Variants in CORO1B observed in about 807,000 individuals in gnomAD.
CORO1B encodes coronin-1B.
CORO1B carries 30 observed loss-of-function variants against 51.1 expected under a neutral mutation model. That is an observed-to-expected ratio of 0.59 (90% CI 0.44 to 0.80). CORO1B has a LOEUF of 0.80. Ranked by LOEUF, CORO1B falls within the 30% of genes least tolerant of loss-of-function variation. CORO1B has a pLI of 0.00. For synonymous variants in CORO1B, 310 were observed against 289.7 expected (o/e 1.07, Z -0.71); for missense variants, 648 against 700.4 (o/e 0.93, Z 0.84).
Position 67,439,789 on chromosome 11 carries a change from T to C in CORO1B, c.1062A>G (p.Arg354=). ...GCCGAGGGACGGGCGGCCTCACCTT[T>C]CTTGGCACAGTCATGACGATGGGCT... ...KCEPIVMTVP[R]KSDLFQDDLY... is the part of the protein sequence containing the mutation. The change falls in exon 9 of 11, where the codon AGA becomes AGG. Residue 354 remains arginine, a synonymous_variant. Coordinates refer to ENST00000341356, the MANE Select transcript of CORO1B (RefSeq NM_020441.3). 6.3e-7 allele frequency: 1 copy of C among 1,588,102 alleles called. No homozygotes were observed. Among genetic ancestry groups the C allele is most frequent in the Non-Finnish European group, 8.6e-7 (1 of 1,167,736 alleles).
chr11:67,443,737 G>A, upstream of CORO1B: 2 of 985,324 alleles, frequency 2.0e-6, no homozygotes, highest in Non-Finnish European at 2.4e-6. Context: ...CGCCGCAGGT[G>A]CGGGTGCAGC....
At position 67,441,213 on chromosome 11, in the gene CORO1B, G is replaced by A. The variant is rs1864386497; in HGVS notation, c.668C>T (p.Pro223Leu). 1 of 1,613,014 alleles carries A rather than the reference G, an allele frequency of 6.2e-7. No individual in the cohort carries two copies. Among genetic ancestry groups the A allele is most frequent in the African/African-American group, 1.3e-5 (1 of 74,936 alleles). Reference protein sequence around the residue: ...EREKAHEGARPMRAIFLADGK... With the variant: ...EREKAHEGARLMRAIFLADGK... ...ATCTGCCAGGAAGATGGCCCGCATG[G>A]GCCGGGCCCCCTCATGAGCCTTCTC... The change falls in exon 6 of 11, where the codon CCC (proline) becomes CTC (leucine). Residue 223 changes from proline (P) to leucine (L), a missense_variant. Physicochemically the swap from Pro to Leu is moderately conservative, Grantham distance 98. Transcript: ENST00000341356.
rs1864318027 is a variant in CORO1B, at chr11:67,437,884, T to G, written c.*492A>C. 2.6e-6 allele frequency: 1 copy of G among 389,554 alleles called. No homozygotes were observed. Among genetic ancestry groups the G allele is most frequent in the African/African-American group, 2.1e-5 (1 of 48,514 alleles). 24.1% of individuals were successfully genotyped at this position (389,554 alleles called of 1,614,324 possible). A position where few individuals can be genotyped will look rare whatever the true frequency, so the allele number is the denominator to read the frequency against. On this transcript the variant is annotated 3_prime_UTR_variant, in exon 11 of 11. Transcript: ENST00000341356. Reference sequence around the variant, plus strand: ...GCTGGATGCAGCCTTGCATGTGTTCTCAGGTCTTCTGCCTCAGTTTCCCTG... The same window carrying G: ...GCTGGATGCAGCCTTGCATGTGTTCGCAGGTCTTCTGCCTCAGTTTCCCTG...
At position 67,442,806 on chromosome 11, in the gene CORO1B, C is replaced by T. The variant is rs534889296; in HGVS notation, c.-2-176G>A. Among the ~76,000 whole-genome samples, 118 of 152,296 alleles carry T rather than the reference C, an allele frequency of 7.7e-4. 1 individual carries two copies. The highest frequency in any genetic ancestry group is 6.4e-3 in the South Asian group (31 of 4,830). ...ACAGGTGCAGAGCCTGGCCGCCTGT[C>T]ACCCCGCAGGCAGTGATCTGAGAGG... On this transcript the variant is annotated intron_variant, in intron 1 of 10. Coordinates refer to ENST00000341356, the MANE Select transcript of CORO1B (RefSeq NM_020441.3).
Position 67,436,163 on chromosome 11 carries a change from T to C in CORO1B, c.*2213A>G, listed in dbSNP as rs757027921. The stretch of plus-strand genomic sequence containing the variant: ...GGCACCTAGGCGGGCCGGGTGGTAG[T>C]AGCCCCCTGAGTCACGGCTGAGGCG... On this transcript the variant is annotated 3_prime_UTR_variant, in exon 11 of 11. Transcript: ENST00000341356. 1.9e-6 allele frequency: 3 copies of C among 1,564,648 alleles called. No homozygotes were observed. The highest frequency in any genetic ancestry group is 3.8e-5 in the Admixed American group (2 of 52,660).
At position 67,436,362 on chromosome 11, in the gene CORO1B, A is replaced by G. The variant is rs1224032905; in HGVS notation, c.*2014T>C. Reference sequence around the variant, plus strand: ...GTGCAGGGCAGAGCCTGTGGGAGACAGGCAGGGGCTCAGAGGGCTCAGCAC... The same window carrying G: ...GTGCAGGGCAGAGCCTGTGGGAGACGGGCAGGGGCTCAGAGGGCTCAGCAC... On this transcript the variant is annotated 3_prime_UTR_variant, in exon 11 of 11. Transcript: ENST00000341356. The G allele has an allele frequency of 8.3e-6, 12 of 1,445,198 alleles. No homozygotes were observed. Among genetic ancestry groups the G allele is most frequent in the African/African-American group, 1.4e-5 (1 of 69,806 alleles). 89.5% of individuals were successfully genotyped at this position (1,445,198 alleles called of 1,614,324 possible).
At chr11:67,440,468 C>A (rs753575159) in intron 6 of CORO1B, 29 bp from the exon 7 acceptor site, 11 of 1,602,918 alleles carry the variant, frequency 6.9e-6, no homozygotes, top group Non-Finnish European at 9.4e-6. Context: ...TCAGGCCAAG[C>A]AGAACCTCCT....
Position 67,437,929 on chromosome 11 carries a change from A to G in CORO1B, c.*447T>C. 1 of 373,282 alleles carries G rather than the reference A, an allele frequency of 2.7e-6. No homozygotes were observed. The highest frequency in any genetic ancestry group is 4.8e-6 in the Non-Finnish European group (1 of 209,886). The allele number at this position is 373,282 out of a possible 1,614,324, so 23.1% of individuals were successfully genotyped here. On this transcript the variant is annotated 3_prime_UTR_variant, in exon 11 of 11. Transcript: ENST00000341356. ...TCCCTGCCTGACAATCCAGGGGAGC[A>G]ATGCCTGTGGGGCTGCTCACTGCCC... is the stretch of plus-strand genomic sequence containing the variant.
In CORO1B at chr11:67,435,802, A is replaced by C. The variant is rs766302693; in HGVS notation, c.*2574T>G. ...CGCTGTCATCCCAGGCTGCGCTGCC[A>C]GCAAAGGCGTGCAGGTCACTCAGCA... On this transcript the variant is annotated 3_prime_UTR_variant, in exon 11 of 11. Transcript: ENST00000341356. 3 of 1,597,004 alleles carry C rather than the reference A, an allele frequency of 1.9e-6. No individual in the cohort carries two copies. In the African/African-American group the frequency reaches 4.0e-5, roughly 21 times the overall value.
In CORO1B at chr11:67,441,182, C is replaced by T; in HGVS notation, c.699G>A (p.Lys233=). ...PMRAIFLADG[K]VFTTGFSRMS... ...TTCGGCTGAAGCCTGTGGTGAACAC[C>T]TTGCCATCTGCCAGGAAGATGGCCC... The change falls in exon 6 of 11, where the codon AAG becomes AAA. Residue 233 remains lysine (K), a synonymous_variant. Coordinates refer to ENST00000341356, the MANE Select transcript of CORO1B (RefSeq NM_020441.3). 2 of 1,613,184 alleles carry T rather than the reference C, an allele frequency of 1.2e-6. No homozygotes were observed. The highest frequency in any genetic ancestry group is 1.7e-6 in the Non-Finnish European group (2 of 1,180,012).
Position 67,438,915 on chromosome 11 carries a change from G to C in CORO1B, c.1100C>G (p.Thr367Arg). ...DLFQDDLYPD[T>R]AGPEAALEAE... ...CTCCAGGGCTGCCTCGGGCCCGGCT[G>C]TGTCGGGGTACAGATCATCCTGGAA... Residue 367 changes from threonine (T) to arginine (R), a missense_variant, in exon 10 of 11, where the codon ACA becomes AGA. Physicochemically the swap from Thr to Arg is moderately conservative, Grantham distance 71. Transcript: ENST00000341356. 1 of 1,609,450 alleles carries C rather than the reference G, an allele frequency of 6.2e-7. No individual in the cohort carries two copies. Among genetic ancestry groups the C allele is most frequent in the Non-Finnish European group, 8.5e-7 (1 of 1,179,078 alleles).
Position 67,438,356 on chromosome 11 carries a change from G to A in CORO1B, c.*20C>T. ...GGAAGGGGGCGGCGGAGGAGATGAA[G>A]GTGGCGTGTGGCTGTGGCCCTACGC... On this transcript the variant is annotated 3_prime_UTR_variant, in exon 11 of 11. Transcript: ENST00000341356. 1 of 1,584,454 alleles carries A rather than the reference G, an allele frequency of 6.3e-7. No homozygotes were observed. Among genetic ancestry groups the A allele is most frequent in the Admixed American group, 1.7e-5 (1 of 58,700 alleles).
chr11:67,438,266 T>C lies in CORO1B; in HGVS notation c.*110A>G. 7.0e-7 allele frequency: 1 copy of C among 1,434,284 alleles called. No homozygotes were observed. The highest frequency in any genetic ancestry group is 9.4e-7 in the Non-Finnish European group (1 of 1,065,338). The allele number at this position is 1,434,284 out of a possible 1,614,324, so 88.8% of individuals were successfully genotyped here. A position where few individuals can be genotyped will look rare whatever the true frequency, so the allele number is the denominator to read the frequency against. ...ACGGGTGGGGGTGGGAACTGACCCC[T>C]GCGCTGCCTCAGAGGCTCTGGGCAG... On this transcript the variant is annotated 3_prime_UTR_variant, in exon 11 of 11. Coordinates refer to ENST00000341356, the MANE Select transcript of CORO1B (RefSeq NM_020441.3).
Position 67,436,788 on chromosome 11 carries a change from T to C in CORO1B, c.*1588A>G, listed in dbSNP as rs1337062968. The C allele has an allele frequency of 1.2e-5, 2 of 171,774 alleles. No homozygotes were observed. Among genetic ancestry groups the C allele is most frequent in the Non-Finnish European group, 1.2e-5 (1 of 81,666 alleles). 10.6% of individuals were successfully genotyped at this position (171,774 alleles called of 1,614,324 possible). On this transcript the variant is annotated 3_prime_UTR_variant, in exon 11 of 11. Transcript: ENST00000341356. ...CCCCAGCACTCAGTGCCTTTTTCCT[T>C]CCATGTCACCTAACGCAGGAGATAA... is the stretch of plus-strand genomic sequence containing the variant.
Position 67,443,373 on chromosome 11 carries a change from G to C in CORO1B, c.-3+31C>G, listed in dbSNP as rs1373315241. On this transcript the variant is annotated intron_variant, in intron 1 of 10. Transcript: ENST00000341356. ...TGCAGCCCCGCCCAGCCCCCAGCCC[G>C]CGCCCCTAGCCCCGGCCCTGCCGCG... The C allele has an allele frequency of 1.1e-5, 7 of 655,510 alleles. No individual in the cohort carries two copies. In the East Asian group the frequency reaches 6.8e-4, roughly 64 times the overall value. The allele number at this position is 655,510 out of a possible 1,614,324, so 40.6% of individuals were successfully genotyped here.
chr11:67,443,759 C>T, upstream of CORO1B: 5 of 985,298 alleles, frequency 5.1e-6, no homozygotes, highest in Non-Finnish European at 6.0e-6. Context: ...TTACAGCGGA[C>T]CCGAGGCCCC....
At chr11:67,442,298 C>T (rs1467481837) in intron 2 of CORO1B, 130 bp downstream of exon 2, 8 of 1,241,806 alleles carry the variant, frequency 6.4e-6, no homozygotes, top group South Asian at 2.8e-5. Context: ...ACACTTGGGG[C>T]GATAAATCTG....
At chr11:67,439,902 A>G in intron 8 of CORO1B, 59 bp from the exon 9 acceptor site, 1 of 1,245,406 alleles carries the variant, frequency 8.0e-7, no homozygotes. Context: ...ACCCACCGCC[A>G]GCTCTCCTGG....
At position 67,437,762 on chromosome 11, in the gene CORO1B, G is replaced by A; in HGVS notation, c.*614C>T. On this transcript the variant is annotated 3_prime_UTR_variant, in exon 11 of 11. Transcript: ENST00000341356. ...CATACCCCACCTGCCCCTCCCTGCT[G>A]CAGGACCCCTGGTCCACACCAGACC... is the stretch of plus-strand genomic sequence containing the variant. 5 of 890,984 alleles carry A rather than the reference G, an allele frequency of 5.6e-6. No individual in the cohort carries two copies. The highest frequency in any genetic ancestry group is 6.1e-6 in the Non-Finnish European group (4 of 656,832). The allele number at this position is 890,984 out of a possible 1,614,324, so 55.2% of individuals were successfully genotyped here.
Sources: allele counts gnomAD v4.1 joint callset (sites outside exome capture counted in the v4.1 genomes callset), GRCh38; gene constraint gnomAD v4.1.1; transcripts MANE v1.5; gene names NCBI Gene and HGNC (gene_info 2026-07-23, HGNC 2026-07-21).